SP4: variants seen among roughly 807,000 people sequenced by gnomAD.
SP4 encodes transcription factor Sp4.
A neutral mutation model predicts 72.8 loss-of-function variants in SP4; 19 were observed. The observed-to-expected ratio is 0.26, with a 90% CI of 0.18 to 0.38. The LOEUF is 0.38. SP4 is among the 10% of genes least tolerant of loss of function. SP4 has a pLI of 1.00. For missense variants in SP4, 1,008 were observed against 926.3 expected (o/e 1.09, Z -1.14); for synonymous variants, 395 against 333.1 (o/e 1.19, Z -2.02).
At chr7:21,470,939 T>C (rs1393884967) in intron 3 of SP4, 2 of 419,044 alleles carry the variant, frequency 4.8e-6, no homozygotes, top group Non-Finnish European at 9.7e-6. Flanking sequence ...AAAATTATTT[T>C]ACAAAGCAGT....
Position 21,430,229 on chromosome 7 carries a change from C to G in SP4, c.1064C>G (p.Ser355Cys). ...GQYASTSASS[S>C]ERTIEESQTP... ...TATGCAAGCACATCAGCCAGTAGTT[C>G]TGAACGCACCATTGAAGAATCTCAA... The change falls in exon 3 of 6, where the codon TCT becomes TGT. Residue 355 changes from serine to cysteine, a missense_variant. Transcript: ENST00000222584. 2 of 1,614,182 alleles carry G rather than the reference C, an allele frequency of 1.2e-6. No homozygotes were observed. Among genetic ancestry groups the G allele is most frequent in the Non-Finnish European group, 8.5e-7 (1 of 1,180,026 alleles).
chr7:21,504,757 T>A (rs1215709232), intron 5 of SP4, among the ~76,000 whole-genome samples: 2 of 152,250 alleles, frequency 1.3e-5, no homozygotes, highest in African/African-American at 2.4e-5. Flanking sequence ...GCTTTTGGTT[T>A]AATATATTCC....
chr7:21,460,476 G>C (rs1434191528), intron 3 of SP4, among the ~76,000 whole-genome samples: 2 of 152,178 alleles, frequency 1.3e-5, no homozygotes, highest in East Asian at 1.9e-4. Flanking sequence ...AGGCAGTGTG[G>C]ACCCAAAGAG....
At chr7:21,489,374 G>A (rs1050307452) in intron 5 of SP4, among the ~76,000 whole-genome samples, 12 of 151,924 alleles carry the variant, frequency 7.9e-5, no homozygotes, top group African/African-American at 2.7e-4. Flanking sequence ...AGGCCAGAAC[G>A]CAGTGATGTG....
chr7:21,439,774 T>C (rs1175327611), intron 3 of SP4, among the ~76,000 whole-genome samples: 1 of 152,092 alleles, frequency 6.6e-6, no homozygotes, highest in African/African-American at 2.4e-5. Flanking sequence ...GGCCCATGTT[T>C]GTAGTCCCAG....
At chr7:21,497,312 A>T (rs532681227) in intron 5 of SP4, among the ~76,000 whole-genome samples, 1 of 152,272 alleles carries the variant, frequency 6.6e-6, no homozygotes, top group South Asian at 2.1e-4. Context: ...GGTGCCAAGA[A>T]TTCAGGCTGT....
At chr7:21,489,062 A>G (rs1226482434) in intron 5 of SP4, among the ~76,000 whole-genome samples, 1 of 152,194 alleles carries the variant, frequency 6.6e-6, no homozygotes, top group African/African-American at 2.4e-5. Context: ...CCTTTTCAAA[A>G]GAGCCCCTAA....
chr7:21,430,887 A>G (rs749992532), intron 3 of SP4, 44 bp downstream of exon 3: 9 of 1,390,820 alleles, frequency 6.5e-6, no homozygotes, highest in South Asian at 3.9e-5. Flanking sequence ...ATAGTTTTTC[A>G]TAACAATTAT....
At chr7:21,459,717 C>CT (rs1280455135) in intron 3 of SP4, among the ~76,000 whole-genome samples, 2 of 152,262 alleles carry the variant, frequency 1.3e-5, no homozygotes, top group East Asian at 1.9e-4. Context: ...TGCTTTTTAC[C>CT]GTTATTTCCT....
chr7:21,432,535 C>T (rs570452356), intron 3 of SP4, among the ~76,000 whole-genome samples: 1 of 152,314 alleles, frequency 6.6e-6, no homozygotes, highest in East Asian at 1.9e-4. Context: ...AGAGGTTTTT[C>T]CCTTAGCCAT....
Position 21,497,102 on chromosome 7 carries a change from TA to T in SP4, c.2108-13916del, listed in dbSNP as rs781072322. ...CCCCTGTCTTGGGCATCCATGAAGT[TA>T]AAATACTTGCTTCTAATTGTTTTAG... On this transcript the variant is annotated intron_variant, in intron 5 of 5. Transcript: ENST00000222584. Among the ~76,000 whole-genome samples, 4 of 152,244 alleles carry T rather than the reference TA, an allele frequency of 2.6e-5. No individual in the cohort carries two copies. The East Asian group carries it at 7.7e-4, about 29-fold the overall frequency.
intron 5 of SP4, among the ~76,000 whole-genome samples, chr7:21,494,472 C>T (rs1231860803): frequency 6.6e-6 from 1 of 152,150 alleles, no homozygotes; most frequent in African/African-American, 2.4e-5. Flanking sequence ...AATTGTATTT[C>T]TACATCCTAG....
chr7:21,431,503 G>T (rs1445226734), intron 3 of SP4, among the ~76,000 whole-genome samples: 1 of 152,140 alleles, frequency 6.6e-6, no homozygotes, highest in African/African-American at 2.4e-5. Context: ...CATGGTCATT[G>T]TGTGATTTGT....
At chr7:21,504,068 TAGGGATGTTTGG>T (rs1425696609) in intron 5 of SP4, among the ~76,000 whole-genome samples, 2 of 152,272 alleles carry the variant, frequency 1.3e-5, no homozygotes, top group Admixed American at 1.3e-4. Flanking sequence ...AATACTAGCT[TAGGGATGTTTGG>T]GAGCAGGCTA....
intron 4 of SP4, among the ~76,000 whole-genome samples, chr7:21,478,167 G>A (rs973314277): frequency 6.6e-6 from 1 of 152,042 alleles, no homozygotes; most frequent in Admixed American, 6.5e-5. Flanking sequence ...TGTTTTCAAG[G>A]TTCAACCATA....
At chr7:21,428,367 A>AG (rs960072177) in intron 1 of SP4, 109 bp downstream of exon 1, 1 of 705,664 alleles carries the variant, frequency 1.4e-6, no homozygotes, top group Non-Finnish European at 2.6e-6. Context: ...AGATGCTTTA[A>AG]GGGGAGGAGG....
intron 5 of SP4, 122 bp from the exon 6 acceptor site, chr7:21,510,900 C>A: frequency 1.1e-6 from 1 of 895,002 alleles, no homozygotes; most frequent in Non-Finnish European, 1.7e-6. Context: ...TAAAACAAAG[C>A]ATTTTGCAAC....
chr7:21,458,819 C>A (rs1199264899), intron 3 of SP4, among the ~76,000 whole-genome samples: 1 of 151,960 alleles, frequency 6.6e-6, no homozygotes, highest in Non-Finnish European at 1.5e-5. Flanking sequence ...AGAGAAAAAT[C>A]TGTGGCCAGT....
chr7:21,440,365 G>C (rs538109717), intron 3 of SP4, among the ~76,000 whole-genome samples: 1 of 152,204 alleles, frequency 6.6e-6, no homozygotes, highest in Non-Finnish European at 1.5e-5. Flanking sequence ...ACATCTCTAC[G>C]TAGTGACACC....
Sources: gnomAD v4.1 joint callset for allele counts (sites outside exome capture counted in the v4.1 genomes callset) on GRCh38, gnomAD v4.1.1 for gene constraint, MANE v1.5 for transcripts, NCBI Gene and HGNC (gene_info 2026-07-23, HGNC 2026-07-21) for gene names.